DAPK1: variants seen among roughly 807,000 people sequenced by gnomAD.
DAPK1 encodes the protein death-associated protein kinase 1.
Under a neutral mutation model 144.9 loss-of-function variants are expected in DAPK1, and 56 were observed. The ratio of observed to expected loss-of-function variants is 0.39; its 90% CI spans 0.31 to 0.48. The LOEUF (loss-of-function observed/expected upper bound fraction) is 0.48. Ranked by LOEUF, DAPK1 falls within the 20% of genes least tolerant of loss-of-function variation. DAPK1 has a pLI of 0.95. For synonymous variants in DAPK1, 690 were observed against 749.0 expected (o/e 0.92, Z 1.29); for missense variants, 1,454 against 1,875.4 (o/e 0.78, Z 4.15).
At chr9:87,620,262 A>G (rs985661528) in intron 3 of DAPK1, among the ~76,000 whole-genome samples, 6 of 152,148 alleles carry the variant, frequency 3.9e-5, no homozygotes, top group African/African-American at 1.4e-4. Flanking sequence ...GGAAACTGGG[A>G]TAGAAAACGT....
chr9:87,629,278 G>A (rs144469634), intron 3 of DAPK1, among the ~76,000 whole-genome samples: 227 of 152,298 alleles, frequency 1.5e-3, no homozygotes, highest in African/African-American at 4.8e-3. Flanking sequence ...AGTTGCAGGC[G>A]GGGATGGGAA....
chr9:87,661,482 A>G (rs1312649254), intron 18 of DAPK1, among the ~76,000 whole-genome samples: 1 of 152,066 alleles, frequency 6.6e-6, no homozygotes, highest in Non-Finnish European at 1.5e-5. Context: ...CCTCTCCAAC[A>G]TCTGTTATTT....
rs113125719 is a variant in DAPK1 at position 87,584,664 on chromosome 9, TTGTGTGTGTG to T, written c.63-20272_63-20263del. 5.1e-4 allele frequency among the ~76,000 whole-genome samples: 72 copies of T among 140,506 alleles called. No homozygotes were observed. The Middle Eastern group carries it at 0.011, about 22-fold the overall frequency. 92.2% of individuals were successfully genotyped at this position (140,506 alleles called of 152,430 possible). On this transcript the variant is annotated intron_variant, in intron 2 of 25. Transcript: ENST00000408954. ...CTAACAAGTGAGAAATGATAGCTCATTGTGTGTGTGTGTGTGTGTGTGTGTGTTTGAGATG... is the reference window on the plus strand; with the variant it reads ...CTAACAAGTGAGAAATGATAGCTCATTGTGTGTGTGTGTGTGTTTGAGATG...
At chr9:87,589,050 G>A (rs530299256) in intron 2 of DAPK1, among the ~76,000 whole-genome samples, 21 of 132,486 alleles carry the variant, frequency 1.6e-4, no homozygotes, top group East Asian at 1.2e-3. Flanking sequence ...CACCACGCCC[G>A]GCTAATTTTT....
intron 21 of DAPK1, among the ~76,000 whole-genome samples, chr9:87,687,806 TA>T (rs1824918101): frequency 1.2e-5 from 1 of 82,424 alleles, no homozygotes; most frequent in Non-Finnish European, 2.5e-5. Context: ...CAGCTTCTGC[TA>T]TTTTTTTTTT....
In DAPK1 at chr9:87,677,390, C is replaced by T. The variant is rs1824432316; in HGVS notation, c.2002-4014C>T. ...GTCTGTAGTTGACCATGGTTCGAGT[C>T]TCCTGAGAGTGGAAGGGCCTGTGGG... On this transcript the variant is annotated intron_variant, in intron 19 of 25. Coordinates refer to ENST00000408954, the MANE Select transcript of DAPK1 (RefSeq NM_004938.4). 2.0e-5 allele frequency among the ~76,000 whole-genome samples: 3 copies of T among 152,174 alleles called. No homozygotes were observed. The South Asian group carries it at 6.2e-4, about 31-fold the overall frequency.
In DAPK1 at chr9:87,647,347, G is replaced by A. The variant is rs1302863111; in HGVS notation, c.1273G>A (p.Val425Ile). Reference sequence around the variant, plus strand: ...CTACTGGGCTGCTCGGCATGGCCACGTCGATACCTTGAAATTTCTCAGTGA... The same window carrying A: ...CTACTGGGCTGCTCGGCATGGCCACATCGATACCTTGAAATTTCTCAGTGA... ...AVYWAARHGH[V>I]DTLKFLSENK... The change falls in exon 14 of 26, where the codon GTC becomes ATC. Residue 425 changes from valine (V) to isoleucine (I), a missense_variant. Val to Ile is a conservative substitution (Grantham distance 29, BLOSUM62 3). Transcript: ENST00000408954. 9 of 1,614,198 alleles carry A rather than the reference G, an allele frequency of 5.6e-6. No homozygotes were observed. In the Middle Eastern group the frequency reaches 4.9e-4, roughly 89 times the overall value.
In DAPK1 at chr9:87,707,994, C is replaced by A; in HGVS notation, c.*630C>A. 2.8e-6 allele frequency: 1 copy of A among 361,320 alleles called. No homozygotes were observed. Among genetic ancestry groups the A allele is most frequent in the South Asian group, 2.1e-5 (1 of 46,954 alleles). 22.4% of individuals were successfully genotyped at this position (361,320 alleles called of 1,614,324 possible). A position where few individuals can be genotyped will look rare whatever the true frequency, so the allele number is the denominator to read the frequency against. On this transcript the variant is annotated 3_prime_UTR_variant, in exon 26 of 26. Transcript: ENST00000408954. This position sits in a 1 kb window ranked among gnomAD's most constrained non-coding sequence, Gnocchi z 4.0. The stretch of plus-strand genomic sequence containing the variant: ...CTGTCCCTTGCTGTATGCTGATCAT[C>A]GCCAGAGGTGCTTCACCCTGAGTTT...
intron 19 of DAPK1, among the ~76,000 whole-genome samples, chr9:87,681,080 A>C (rs987980985): frequency 9.9e-5 from 15 of 152,130 alleles, no homozygotes; most frequent in African/African-American, 3.6e-4. Context: ...GGAGTTCGAG[A>C]CCAGCCTAAC....
At chr9:87,572,664 CTTCACCA>C (rs1827401706) in intron 2 of DAPK1, among the ~76,000 whole-genome samples, 1 of 152,170 alleles carries the variant, frequency 6.6e-6, no homozygotes, top group Non-Finnish European at 1.5e-5. Flanking sequence ...CCTGCTCCTA[CTTCACCA>C]TCCACCAAGA....
At chr9:87,678,703 C>T (rs1587837907) in intron 19 of DAPK1, among the ~76,000 whole-genome samples, 4 of 152,308 alleles carry the variant, frequency 2.6e-5, no homozygotes, top group Admixed American at 1.3e-4. Context: ...TATATAAATG[C>T]TCATCAGATG....
intron 2 of DAPK1, among the ~76,000 whole-genome samples, chr9:87,601,474 TA>T (rs1194867232): frequency 1.7e-4 from 26 of 151,156 alleles, no homozygotes; most frequent in Non-Finnish European, 1.5e-5. Flanking sequence ...GCAATAGTTG[TA>T]TACATCGTTA....
rs924961856 is a variant in DAPK1, at chr9:87,535,046, C to T, written c.62+35907C>T. ...TATTCAGAAGATTAAAGGAGAAATCCTCACCATCAGTTCTTAGTTTCTTGA... is the reference window on the plus strand; with the variant it reads ...TATTCAGAAGATTAAAGGAGAAATCTTCACCATCAGTTCTTAGTTTCTTGA... On this transcript the variant is annotated intron_variant, in intron 2 of 25. Coordinates refer to ENST00000408954, the MANE Select transcript of DAPK1 (RefSeq NM_004938.4). Among the ~76,000 whole-genome samples, 7 of 152,242 alleles carry T rather than the reference C, an allele frequency of 4.6e-5. 1 individual carries two copies. Among genetic ancestry groups the T allele is most frequent in the Admixed American group, 2.0e-4 (3 of 15,302 alleles).
intron 2 of DAPK1, among the ~76,000 whole-genome samples, chr9:87,537,937 T>C (rs1587698740): frequency 6.6e-6 from 1 of 152,326 alleles, no homozygotes; most frequent in Middle Eastern, 3.4e-3. Context: ...AAGTAGTGGC[T>C]GCCAGCTTTT....
At chr9:87,639,314 C>A in intron 4 of DAPK1, 40 bp from the exon 5 acceptor site, 1 of 1,495,610 alleles carries the variant, frequency 6.7e-7, no homozygotes, top group Non-Finnish European at 9.0e-7. Flanking sequence ...CTCAGCATAA[C>A]ATATCATAGC....
intron 1 of DAPK1, chr9:87,498,664 A>G (rs1163280888): frequency 1.6e-5 from 6 of 372,834 alleles, no homozygotes; most frequent in Non-Finnish European, 2.4e-5. Flanking sequence ...GCATGTGTGC[A>G]GAGAAAGGGG....
In DAPK1 at chr9:87,698,648, G is replaced by A. The variant is rs1825348644; in HGVS notation, c.2612-8G>A. On this transcript the variant is annotated splice_region_variant and splice_polypyrimidine_tract_variant and intron_variant, in intron 22 of 25. Coordinates refer to ENST00000408954, the MANE Select transcript of DAPK1 (RefSeq NM_004938.4). ...CACCCCCTGAAGCAGTTCCCTCTCT[G>A]CCCCCAGCCTTCGGTGGCAAGCTGA... 3 of 1,596,908 alleles carry A rather than the reference G, an allele frequency of 1.9e-6. No individual in the cohort carries two copies. In the South Asian group the frequency reaches 3.3e-5, roughly 18 times the overall value.
chr9:87,530,634 A>T (rs10868615), intron 2 of DAPK1, among the ~76,000 whole-genome samples: 3 of 152,270 alleles, frequency 2.0e-5, no homozygotes, highest in African/African-American at 7.2e-5. Context: ...ATATGAAGTT[A>T]GTTCTTTAAA....
At position 87,590,599 on chromosome 9, in the gene DAPK1, T is replaced by A. The variant is rs995389181; in HGVS notation, c.63-14355T>A. Among the ~76,000 whole-genome samples, 8 of 152,084 alleles carry A rather than the reference T, an allele frequency of 5.3e-5. No individual in the cohort carries two copies. The East Asian group carries it at 9.6e-4, about 18-fold the overall frequency. On this transcript the variant is annotated intron_variant, in intron 2 of 25. Transcript: ENST00000408954. The stretch of plus-strand genomic sequence containing the variant: ...GTGCTACTTAAAAAATTTTTTTTTT[T>A]ATTTTTTGAGACAGGTCTCACTCTG...
Sources: allele counts gnomAD v4.1 joint callset (sites outside exome capture counted in the v4.1 genomes callset), GRCh38; gene constraint gnomAD v4.1.1; non-coding constraint Gnocchi (gnomAD v3.1); transcripts MANE v1.5; gene names NCBI Gene and HGNC (gene_info 2026-07-23, HGNC 2026-07-21).